The following CTPS2 variants were observed in gnomAD, a reference collection of about 807,000 sequenced individuals.
CTPS2 encodes CTP synthase II.
CTPS2 carries 19 observed loss-of-function variants against 46.8 expected under a neutral mutation model. The observed-to-expected ratio is 0.41, with a 90% CI of 0.28 to 0.60. The LOEUF is 0.60. CTPS2 is among the 20% of genes least tolerant of loss of function. CTPS2 has a pLI of 0.35. For missense variants in CTPS2, 286 were observed against 447.6 expected (o/e 0.64, Z 3.26); for synonymous variants, 151 against 165.2 (o/e 0.91, Z 0.66).
chrX:16,634,152 T>A (rs1170254403), intron 14 of CTPS2, among the ~76,000 whole-genome samples: 1 of 111,825 alleles, frequency 8.9e-6, no homozygotes, highest in African/African-American at 3.2e-5. Flanking sequence ...CTAATCTTGA[T>A]GAAGTCTGGA....
intron 10 of CTPS2, among the ~76,000 whole-genome samples, chrX:16,674,890 G>A (rs1264740641): frequency 9.1e-6 from 1 of 110,223 alleles, no homozygotes; most frequent in Non-Finnish European, 1.9e-5. Context: ...AGTTAAAGGT[G>A]TATTCAGGTT....
intron 10 of CTPS2, among the ~76,000 whole-genome samples, chrX:16,671,837 A>C (rs751763573): frequency 1.3e-4 from 14 of 111,299 alleles, no homozygotes; most frequent in Admixed American, 1.1e-3. Flanking sequence ...TTTCTAGTGA[A>C]ACACGGAAAG....
At chrX:16,614,842 C>T (rs1049049286) in intron 16 of CTPS2, among the ~76,000 whole-genome samples, 59 of 109,669 alleles carry the variant, frequency 5.4e-4, no homozygotes, top group Non-Finnish European at 1.1e-3. Context: ...CCAGGTGAGA[C>T]CAGCCTGAGC....
chrX:16,604,420 G>A (rs983091185), intron 17 of CTPS2, among the ~76,000 whole-genome samples: 1 of 112,350 alleles, frequency 8.9e-6, no homozygotes, highest in Admixed American at 9.4e-5. Flanking sequence ...GCCTAAACTT[G>A]GTGTGTAGTG....
At chrX:16,605,901 T>C (rs975333473) in intron 17 of CTPS2, among the ~76,000 whole-genome samples, 2 of 112,632 alleles carry the variant, frequency 1.8e-5, no homozygotes, top group African/African-American at 6.4e-5. Flanking sequence ...GAAGCTATTG[T>C]GCCCTTGAAC....
chrX:16,704,343 C>T (rs765969527), intron 1 of CTPS2, among the ~76,000 whole-genome samples: 55 of 111,764 alleles, frequency 4.9e-4, no homozygotes, highest in Middle Eastern at 4.6e-3. Context: ...AAATGGGCTA[C>T]CAAGCCATGA....
rs185354725 is a variant in CTPS2 at position 16,635,361 on chromosome X, G to C, written c.1393+3786C>G. Among the ~76,000 whole-genome samples, 44 of 111,109 alleles carry C rather than the reference G, an allele frequency of 4.0e-4. No individual in the cohort carries two copies. The East Asian group carries it at 8.2e-3, about 21-fold the overall frequency. On this transcript the variant is annotated intron_variant, in intron 14 of 18. Transcript: ENST00000359276. The stretch of plus-strand genomic sequence containing the variant: ...TCTACAAAAGAAATATGTTGACTAG[G>C]AGAAAAAAAAACGTTCATAAAACAC...
chrX:16,640,977 C>A (rs193109742), intron 13 of CTPS2, among the ~76,000 whole-genome samples: 294 of 112,013 alleles, frequency 2.6e-3, no homozygotes, highest in African/African-American at 8.9e-3. Flanking sequence ...AACTCGATGA[C>A]CTCCCTTGTT....
At chrX:16,599,094 C>G (rs1423152261) in intron 17 of CTPS2, among the ~76,000 whole-genome samples, 1 of 111,844 alleles carries the variant, frequency 8.9e-6, no homozygotes, top group African/African-American at 3.3e-5. Flanking sequence ...AAACCGACAG[C>G]CAATATCATA....
At chrX:16,659,704 G>A (rs972792538) in intron 13 of CTPS2, among the ~76,000 whole-genome samples, 2 of 111,374 alleles carry the variant, frequency 1.8e-5, no homozygotes, top group Non-Finnish European at 3.8e-5. Flanking sequence ...TGATTACCAC[G>A]AGCAAGCTAA....
chrX:16,686,420 C>T (rs1024211258), intron 8 of CTPS2, among the ~76,000 whole-genome samples: 4 of 111,438 alleles, frequency 3.6e-5, no homozygotes, highest in Non-Finnish European at 7.5e-5. Flanking sequence ...TGGCCCCCCC[C>T]CAAAGAAATT....
chrX:16,649,830 A>C (rs924308287), intron 13 of CTPS2, among the ~76,000 whole-genome samples: 1 of 112,140 alleles, frequency 8.9e-6, no homozygotes, highest in Non-Finnish European at 1.9e-5. Context: ...TTATTTTTTA[A>C]AGCCTAAATA....
chrX:16,633,600 C>A (rs1048205283), intron 14 of CTPS2, among the ~76,000 whole-genome samples: 3 of 111,665 alleles, frequency 2.7e-5, no homozygotes, highest in Non-Finnish European at 5.6e-5. Flanking sequence ...ACTAACTGGC[C>A]CTTTATTGAA....
At chrX:16,604,931 T>A (rs771908406) in intron 17 of CTPS2, among the ~76,000 whole-genome samples, 10 of 112,150 alleles carry the variant, frequency 8.9e-5, no homozygotes, top group Non-Finnish European at 1.3e-4. Context: ...CCCATTTGAT[T>A]TTTTTATTTT....
intron 14 of CTPS2, among the ~76,000 whole-genome samples, chrX:16,630,800 T>A (rs1330538052): frequency 8.9e-6 from 1 of 112,011 alleles, no homozygotes; most frequent in Non-Finnish European, 1.9e-5. Context: ...CTGGACAAAA[T>A]GAAGAATAAC....
intron 14 of CTPS2, among the ~76,000 whole-genome samples, chrX:16,628,544 TTA>T (rs1012408735): frequency 4.5e-5 from 5 of 110,517 alleles, no homozygotes; most frequent in Non-Finnish European, 9.4e-5. Flanking sequence ...TTTTGTAGTT[TTA>T]GTAGAGACGG....
intron 16 of CTPS2, among the ~76,000 whole-genome samples, chrX:16,612,002 T>C (rs1407038558): frequency 8.9e-6 from 1 of 111,921 alleles, no homozygotes; most frequent in Non-Finnish European, 1.9e-5. Flanking sequence ...AACTGTGCTT[T>C]TGTATCACTA....
intron 17 of CTPS2, among the ~76,000 whole-genome samples, chrX:16,602,679 T>G (rs1458041279): frequency 1.8e-5 from 2 of 112,200 alleles, no homozygotes; most frequent in Non-Finnish European, 3.8e-5. Context: ...AATAAAGAAT[T>G]TATGGTGCTA....
intron 13 of CTPS2, among the ~76,000 whole-genome samples, chrX:16,645,913 T>G (rs1261070305): frequency 1.8e-5 from 2 of 112,714 alleles, no homozygotes; most frequent in African/African-American, 6.4e-5. Flanking sequence ...TTCTACCACA[T>G]GATGACACAG....
Sources: gnomAD v4.1 joint callset for allele counts (sites outside exome capture counted in the v4.1 genomes callset) on GRCh38, gnomAD v4.1.1 for gene constraint, MANE v1.5 for transcripts, NCBI Gene and HGNC (gene_info 2026-07-23, HGNC 2026-07-21) for gene names.